Variants in MTHFD1 observed in about 807,000 individuals in gnomAD.
MTHFD1 encodes methylenetetrahydrofolate dehydrogenase, cyclohydrolase and formyltetrahydrofolate synthetase 1.
In MTHFD1, 44 loss-of-function variants were observed where a neutral mutation model predicts 110.3. The ratio of observed to expected loss-of-function variants is 0.40; its 90% CI spans 0.31 to 0.51. MTHFD1 has a LOEUF of 0.51. Ranked by LOEUF, MTHFD1 falls within the 20% of genes least tolerant of loss-of-function variation. The probability of loss-of-function intolerance (pLI) is 0.60; values close to 1 mark genes in which losing one functional copy is unlikely to be tolerated. For missense variants in MTHFD1, 909 were observed against 1,173.1 expected, an observed-to-expected ratio of 0.77 and a Z score of 3.29; for synonymous variants, 402 against 428.8, an observed-to-expected ratio of 0.94 and a Z score of 0.77.
chr14:64,394,380 G>C (rs1416498877), intron 1 of MTHFD1, among the ~76,000 whole-genome samples: 1 of 152,026 alleles, frequency 6.6e-6, no homozygotes, highest in Non-Finnish European at 1.5e-5. Context: ...AGACACCCTG[G>C]GTTTGGTTCT....
At chr14:64,423,796 C>T (rs553104542) in intron 8 of MTHFD1, among the ~76,000 whole-genome samples, 10 of 151,018 alleles carry the variant, frequency 6.6e-5, no homozygotes, top group Non-Finnish European at 1.3e-4. Flanking sequence ...ACGCAATCTC[C>T]GCTCACTGCA....
At chr14:64,392,178 C>T (rs1048708237) in intron 1 of MTHFD1, among the ~76,000 whole-genome samples, 13 of 152,222 alleles carry the variant, frequency 8.5e-5, no homozygotes, top group African/African-American at 3.1e-4. Flanking sequence ...GACCTTTGTC[C>T]TCACCAGTTA....
chr14:64,399,066 G>T (rs753005092), intron 1 of MTHFD1, among the ~76,000 whole-genome samples: 3 of 152,208 alleles, frequency 2.0e-5, no homozygotes, highest in Non-Finnish European at 4.4e-5. Context: ...AATATAATTT[G>T]TAAGTTTATA....
intron 19 of MTHFD1, chr14:64,441,655 A>T (rs1487552087): frequency 3.4e-6 from 2 of 587,220 alleles, no homozygotes; most frequent in Non-Finnish European, 6.2e-6. Flanking sequence ...AAATACAAAA[A>T]ATTAGCCGGG....
intron 1 of MTHFD1, among the ~76,000 whole-genome samples, chr14:64,399,770 TTTTTA>T (rs562867350): frequency 3.3e-5 from 5 of 151,974 alleles, no homozygotes; most frequent in African/African-American, 7.2e-5. Context: ...TTCAGTGGTG[TTTTTA>T]TTTTATTTTA....
At chr14:64,403,218 A>G (rs1053405347) in intron 2 of MTHFD1, among the ~76,000 whole-genome samples, 3 of 151,368 alleles carry the variant, frequency 2.0e-5, no homozygotes, top group African/African-American at 7.3e-5. Flanking sequence ...GATTCATGCA[A>G]TTCTCCTGCC....
chr14:64,421,619 T>A (rs540026855), intron 8 of MTHFD1, among the ~76,000 whole-genome samples: 139 of 136,946 alleles, frequency 1.0e-3, no homozygotes, highest in Non-Finnish European at 1.9e-3. Flanking sequence ...TTATTTATTT[T>A]TTTAATTTTT....
intron 1 of MTHFD1, chr14:64,390,598 C>G (rs1005001835): frequency 2.0e-5 from 3 of 152,828 alleles, no homozygotes; most frequent in African/African-American, 7.2e-5. Context: ...ATTCTCCTGC[C>G]TCAGCCTCCC....
intron 22 of MTHFD1, among the ~76,000 whole-genome samples, chr14:64,445,893 T>C (rs2078286249): frequency 6.6e-6 from 1 of 152,238 alleles, no homozygotes; most frequent in African/African-American, 2.4e-5. Context: ...TTAGCAGTGT[T>C]CTTTAGAAGC....
At chr14:64,404,119 G>C (rs1299168940) in intron 2 of MTHFD1, among the ~76,000 whole-genome samples, 1 of 152,180 alleles carries the variant, frequency 6.6e-6, no homozygotes, top group Non-Finnish European at 1.5e-5. Flanking sequence ...TCTTTGAAAA[G>C]GTCTTGGGGT....
chr14:64,436,590 T>C (rs1213430204), intron 16 of MTHFD1, among the ~76,000 whole-genome samples: 1 of 152,228 alleles, frequency 6.6e-6, no homozygotes, highest in South Asian at 2.1e-4. Context: ...TGTATCACTA[T>C]TGAGAAAGAA....
At chr14:64,421,098 T>C (rs1438085068) in intron 8 of MTHFD1, among the ~76,000 whole-genome samples, 4 of 152,210 alleles carry the variant, frequency 2.6e-5, no homozygotes, top group Non-Finnish European at 4.4e-5. Context: ...ATCTCCTCTC[T>C]GTCATGTCTG....
intron 22 of MTHFD1, among the ~76,000 whole-genome samples, chr14:64,446,468 A>C (rs2078289812): frequency 6.6e-6 from 1 of 152,228 alleles, no homozygotes. Context: ...GCAGGGCTGC[A>C]GTAAACATAC....
intron 18 of MTHFD1, chr14:64,440,662 C>T (rs184208164): frequency 3.1e-5 from 9 of 290,772 alleles, no homozygotes; most frequent in East Asian, 2.7e-4. Flanking sequence ...TGAACTCTTG[C>T]GTAATATTGC....
In MTHFD1 at chr14:64,431,775, C is replaced by G; in HGVS notation, c.1420-12C>G. 6.2e-7 allele frequency: 1 copy of G among 1,613,658 alleles called. No individual in the cohort carries two copies. Among genetic ancestry groups the G allele is most frequent in the Middle Eastern group, 1.6e-4 (1 of 6,062 alleles). ...GCTCCTCTCATTTTAAAGCCCCTTTCTTTTCTTTAAGGCTCTCTTTAATCG... is the reference window on the plus strand; with the variant it reads ...GCTCCTCTCATTTTAAAGCCCCTTTGTTTTCTTTAAGGCTCTCTTTAATCG... On this transcript the variant is annotated splice_polypyrimidine_tract_variant and intron_variant, in intron 14 of 27. Transcript: ENST00000652337.
intron 2 of MTHFD1, among the ~76,000 whole-genome samples, chr14:64,404,925 T>G (rs1411164016): frequency 6.6e-6 from 1 of 152,018 alleles, no homozygotes. Flanking sequence ...GAGCTGAGAT[T>G]GTGCCACTGC....
At chr14:64,449,914 A>G (rs192795605) in intron 24 of MTHFD1, among the ~76,000 whole-genome samples, 294 of 152,270 alleles carry the variant, frequency 1.9e-3, no homozygotes, top group African/African-American at 6.7e-3. Flanking sequence ...TCAGCTTCCC[A>G]AGTAGCTGGG....
intron 7 of MTHFD1, 95 bp downstream of exon 7, chr14:64,418,119 C>T (rs1250926377): frequency 6.9e-7 from 1 of 1,452,670 alleles, no homozygotes; most frequent in Non-Finnish European, 9.6e-7. Flanking sequence ...CTCATTTAAC[C>T]CCATCATCTC....
chr14:64,414,571 A>T (rs1469716473), intron 4 of MTHFD1, among the ~76,000 whole-genome samples: 3 of 151,326 alleles, frequency 2.0e-5, no homozygotes, highest in Admixed American at 2.0e-4. Context: ...CAAATTATAG[A>T]AAATAATTTT....
Sources: allele counts gnomAD v4.1 joint callset (sites outside exome capture counted in the v4.1 genomes callset), GRCh38; gene constraint gnomAD v4.1.1; transcripts MANE v1.5; gene names NCBI Gene and HGNC (gene_info 2026-07-23, HGNC 2026-07-21).